Variants in INPP4A observed in about 807,000 individuals in gnomAD.
INPP4A encodes the protein inositol polyphosphate-4-phosphatase type I A.
A neutral mutation model predicts 119.8 loss-of-function variants in INPP4A; 33 were observed. The observed-to-expected ratio is 0.28, with a 90% CI of 0.21 to 0.37. The LOEUF is 0.37. Ranked by LOEUF, INPP4A falls within the 10% of genes least tolerant of loss-of-function variation. The pLI is 1.00. For missense variants in INPP4A, 956 were observed against 1,289.9 expected (o/e 0.74, Z 3.97); for synonymous variants, 496 against 500.7 (o/e 0.99, Z 0.12).
chr2:98,498,981 T>C (rs1682593116), intron 1 of INPP4A, among the ~76,000 whole-genome samples: 1 of 152,226 alleles, frequency 6.6e-6, no homozygotes, highest in South Asian at 2.1e-4. Context: ...TGTGGGATTT[T>C]GTTATGGCAA....
intron 1 of INPP4A, among the ~76,000 whole-genome samples, chr2:98,455,549 C>G (rs1695993471): frequency 6.6e-6 from 1 of 152,104 alleles, no homozygotes; most frequent in Non-Finnish European, 1.5e-5. Context: ...GCCTGAATCT[C>G]ACCCTCCTCC....
chr2:98,461,805 C>G (rs965440868), intron 1 of INPP4A, among the ~76,000 whole-genome samples: 2 of 152,180 alleles, frequency 1.3e-5, no homozygotes, highest in Non-Finnish European at 2.9e-5. Context: ...TTTCACTGGC[C>G]CACAAGGAGT....
chr2:98,590,310 G>C lies in INPP4A; in HGVS notation c.*2702G>C, dbSNP rs1700302648. ...TGGGAGACTTCCATTTTATAAGCTT[G>C]TTTCTGCCTAATTTGAAGCAGAGGG... is the stretch of plus-strand genomic sequence containing the variant. On this transcript the variant is annotated 3_prime_UTR_variant, in exon 25 of 25. Coordinates refer to ENST00000409851, the MANE Select transcript of INPP4A (RefSeq NM_001134225.2). The C allele has an allele frequency of 5.2e-6, 1 of 192,610 alleles. No individual in the cohort carries two copies. Among genetic ancestry groups the C allele is most frequent in the Non-Finnish European group, 1.1e-5 (1 of 92,234 alleles). 11.9% of individuals were successfully genotyped at this position (192,610 alleles called of 1,614,324 possible).
chr2:98,568,719 G>A, intron 22 of INPP4A, 51 bp downstream of exon 22: 1 of 1,009,798 alleles, frequency 9.9e-7, no homozygotes, highest in African/African-American at 1.6e-5. Context: ...CTTTTTATCA[G>A]TTTAGATGTC....
chr2:98,476,413 C>A (rs935583673), intron 1 of INPP4A, among the ~76,000 whole-genome samples: 1 of 152,224 alleles, frequency 6.6e-6, no homozygotes, highest in East Asian at 1.9e-4. Context: ...AGGGTTCACA[C>A]CCAGGAGCTC....
At chr2:98,533,291 G>T (rs761274822) in intron 4 of INPP4A, 86 bp from the exon 5 acceptor site, 55 of 790,310 alleles carry the variant, frequency 7.0e-5, no homozygotes, top group Non-Finnish European at 1.1e-4. Context: ...TTTACTCTTT[G>T]TGCTTTCTTT....
intron 18 of INPP4A, among the ~76,000 whole-genome samples, chr2:98,564,139 A>G (rs2106337737): frequency 6.6e-6 from 1 of 152,246 alleles, no homozygotes; most frequent in East Asian, 1.9e-4. Flanking sequence ...TAAAGTGAAC[A>G]GTGATTTGGG....
chr2:98,560,319 T>C (rs760316006), intron 17 of INPP4A, among the ~76,000 whole-genome samples: 8 of 152,226 alleles, frequency 5.3e-5, no homozygotes, highest in Non-Finnish European at 8.8e-5. Context: ...ACTTTGTTGA[T>C]GTCTAGAATG....
At chr2:98,499,596 A>C (rs1346777999) in intron 1 of INPP4A, among the ~76,000 whole-genome samples, 1 of 152,190 alleles carries the variant, frequency 6.6e-6, no homozygotes, top group Non-Finnish European at 1.5e-5. Context: ...TTCTCCCTTT[A>C]TTCTAAACCA....
intron 18 of INPP4A, 73 bp from the exon 19 acceptor site, chr2:98,564,567 G>C: frequency 6.3e-7 from 1 of 1,579,376 alleles, no homozygotes; most frequent in East Asian, 2.3e-5. Flanking sequence ...GCGGTGGGGG[G>C]CTGGGCATGA....
rs146162003 is a variant in INPP4A, at chr2:98,566,775, G to A, written c.2420+606G>A. On this transcript the variant is annotated intron_variant, in intron 21 of 24. Transcript: ENST00000409851. This position sits in a 1 kb window ranked among gnomAD's most constrained non-coding sequence, Gnocchi z 4.2. ...TGTGTGTGCACGTGTGCCTGTGTGC[G>A]CACATGTGTGTGAGGAGATAGGGTA... Among the ~76,000 whole-genome samples the A allele has an allele frequency of 3.1e-4, 47 of 152,264 alleles. No homozygotes were observed. The highest frequency in any genetic ancestry group is 7.7e-4 in the East Asian group (4 of 5,180).
rs184240765 is a variant in INPP4A, at chr2:98,585,342, T to C, written c.2787-2134T>C. On this transcript the variant is annotated intron_variant, in intron 24 of 24. Coordinates refer to ENST00000409851, the MANE Select transcript of INPP4A (RefSeq NM_001134225.2). The stretch of plus-strand genomic sequence containing the variant: ...CTAAAATTATCTGTCACTTGGGGTT[T>C]CCATTTTAATTTTCATTTCAAAAAT... 8.8e-3 allele frequency among the ~76,000 whole-genome samples: 1,339 copies of C among 152,372 alleles called. 58 individuals carry two copies. The highest frequency in any genetic ancestry group is 0.072 in the Admixed American group (1,103 of 15,306).
At chr2:98,552,589 T>G (rs1396847018) in intron 13 of INPP4A, 197 bp from the exon 14 acceptor site, 2 of 715,540 alleles carry the variant, frequency 2.8e-6, no homozygotes, top group Non-Finnish European at 5.1e-6. Flanking sequence ...TAGTTTAATA[T>G]TTCAAGCTCC....
At chr2:98,464,863 T>C (rs1674418197) in intron 1 of INPP4A, among the ~76,000 whole-genome samples, 1 of 152,238 alleles carries the variant, frequency 6.6e-6, no homozygotes, top group South Asian at 2.1e-4. Context: ...TGGAAACTCC[T>C]TTTTAGGACA....
At chr2:98,530,818 T>A (rs1193706319) in intron 4 of INPP4A, among the ~76,000 whole-genome samples, 7 of 152,238 alleles carry the variant, frequency 4.6e-5, no homozygotes, top group Non-Finnish European at 8.8e-5. Flanking sequence ...TAACTGTTAT[T>A]GACTATATGT....
At chr2:98,475,114 G>A (rs1676934129) in intron 1 of INPP4A, among the ~76,000 whole-genome samples, 1 of 152,148 alleles carries the variant, frequency 6.6e-6, no homozygotes, top group Non-Finnish European at 1.5e-5. Context: ...TGTAGCATGA[G>A]TACAAATTGT....
rs1683026448 is a variant in INPP4A, at chr2:98,501,088, A to G, written c.-165-17876A>G. 2.0e-5 allele frequency among the ~76,000 whole-genome samples: 3 copies of G among 152,230 alleles called. No individual in the cohort carries two copies. In the South Asian group the frequency reaches 6.2e-4, roughly 32 times the overall value. On this transcript the variant is annotated intron_variant, in intron 1 of 24. Coordinates refer to ENST00000409851, the MANE Select transcript of INPP4A (RefSeq NM_001134225.2). Reference sequence around the variant, plus strand: ...TGGGATATTTTTGGGAGGCCGGGGCAGGCGGATCACTTGAGGTCAGGAGTT... The same window carrying G: ...TGGGATATTTTTGGGAGGCCGGGGCGGGCGGATCACTTGAGGTCAGGAGTT...
intron 4 of INPP4A, 75 bp from the exon 5 acceptor site, chr2:98,533,302 G>T: frequency 1.2e-6 from 1 of 869,416 alleles, no homozygotes; most frequent in South Asian, 1.4e-5. Context: ...TGCTTTCTTT[G>T]AATGTGTTTG....
chr2:98,472,507 G>T (rs1676257552), intron 1 of INPP4A, among the ~76,000 whole-genome samples: 1 of 152,236 alleles, frequency 6.6e-6, no homozygotes, highest in Non-Finnish European at 1.5e-5. Context: ...CCAGGCTGGT[G>T]GTGCAGATGT....
Sources: allele counts gnomAD v4.1 joint callset (sites outside exome capture counted in the v4.1 genomes callset), GRCh38; gene constraint gnomAD v4.1.1; non-coding constraint Gnocchi (gnomAD v3.1); transcripts MANE v1.5; gene names NCBI Gene and HGNC (gene_info 2026-07-23, HGNC 2026-07-21).